Variants in FBXO40 observed in about 807,000 individuals in gnomAD.
FBXO40 encodes F-box only protein 40.
In FBXO40, 50 loss-of-function variants were observed where a neutral mutation model predicts 49.9. That is an observed-to-expected ratio of 1.00 (90% CI 0.80 to 1.27). The LOEUF (loss-of-function observed/expected upper bound fraction) is 1.27. Among genes scored for constraint, FBXO40 ranks in the 50% most tolerant of loss-of-function variants. The pLI, the probability that FBXO40 is intolerant of heterozygous loss-of-function variation, is 0.00. For missense variants in FBXO40, 895 were observed against 870.1 expected, an observed-to-expected ratio of 1.03 and a Z score of -0.36; for synonymous variants, 340 against 320.2, an observed-to-expected ratio of 1.06 and a Z score of -0.66.
chr3:121,623,698 T>G (rs2108851947), intron 3 of FBXO40, among the ~76,000 whole-genome samples: 1 of 151,376 alleles, frequency 6.6e-6, no homozygotes, highest in Middle Eastern at 3.4e-3. Flanking sequence ...CTTTTTTTTT[T>G]TTTTTTTGAG....
intron 1 of FBXO40, among the ~76,000 whole-genome samples, chr3:121,601,980 G>T (rs2048903283): frequency 6.6e-6 from 1 of 152,202 alleles, no homozygotes. Context: ...CAATGGCCAA[G>T]GGTCCCACTG....
Position 121,627,627 on chromosome 3 carries a change from A to G in FBXO40, c.*717A>G, listed in dbSNP as rs576454698. ...AAATCGGGAGTCCAAAGGAGACACC[A>G]TATTTATGGAGAACATTAGGACAAA... On this transcript the variant is annotated 3_prime_UTR_variant, in exon 4 of 4. Transcript: ENST00000338040. 2.6e-6 allele frequency: 1 copy of G among 386,222 alleles called. No homozygotes were observed. The highest frequency in any genetic ancestry group is 1.4e-4 in the South Asian group (1 of 6,916). The allele number at this position is 386,222 out of a possible 1,614,324, so 23.9% of individuals were successfully genotyped here. A position where few individuals can be genotyped will look rare whatever the true frequency, so the allele number is the denominator to read the frequency against.
intron 1 of FBXO40, among the ~76,000 whole-genome samples, chr3:121,617,460 T>A (rs999613413): frequency 2.6e-5 from 4 of 151,822 alleles, no homozygotes; most frequent in African/African-American, 9.7e-5. Flanking sequence ...CTGGGCATGG[T>A]GGTGGGCACC....
intron 1 of FBXO40, among the ~76,000 whole-genome samples, chr3:121,599,655 TACACACACACACACACATGCAC>T (rs1335167183): frequency 1.6e-5 from 2 of 127,686 alleles, no homozygotes; most frequent in African/African-American, 6.0e-5. Context: ...TTGTAGTGCA[TACACACACACACACACATGCAC>T]ACACACACAC....
intron 1 of FBXO40, among the ~76,000 whole-genome samples, chr3:121,618,471 C>G (rs1262285731): frequency 2.0e-5 from 3 of 148,134 alleles, no homozygotes; most frequent in Non-Finnish European, 4.4e-5. Flanking sequence ...ACTGCAACCT[C>G]TGCTTCCTGG....
intron 1 of FBXO40, among the ~76,000 whole-genome samples, chr3:121,602,092 G>A (rs2048903843): frequency 6.6e-6 from 1 of 152,190 alleles, no homozygotes; most frequent in Non-Finnish European, 1.5e-5. Flanking sequence ...TATCATTTGA[G>A]GCCGTAGCTC....
intron 1 of FBXO40, among the ~76,000 whole-genome samples, chr3:121,599,472 A>C (rs1488721191): frequency 1.3e-5 from 2 of 149,520 alleles, no homozygotes; most frequent in African/African-American, 4.9e-5. Context: ...CTGACTCAAA[A>C]AAAAAAAAAA....
chr3:121,612,963 G>A (rs1007317514), intron 1 of FBXO40, among the ~76,000 whole-genome samples: 5 of 151,764 alleles, frequency 3.3e-5, no homozygotes, highest in South Asian at 2.1e-4. Context: ...CCAGCTACTC[G>A]GGAGGCTGAG....
In FBXO40 at chr3:121,622,315, GAA is replaced by G. The variant is rs1237704591; in HGVS notation, c.888_889del (p.Arg297ThrfsTer11). ...TGCCCCTTGGCAGGATGGTGTTCTG[GAA>G]AGACTGAAAACAGCTGTGGATGCAA... The part of the protein sequence containing the change: ...GLAPWQDGVL[E>X]RLKTAVDAKD... On this transcript the variant is annotated frameshift_variant, in exon 3 of 4. Transcript: ENST00000338040. LOFTEE classifies it high-confidence loss of function. 6.2e-7 allele frequency: 1 copy of G among 1,614,130 alleles called. No individual in the cohort carries two copies. Among genetic ancestry groups the G allele is most frequent in the East Asian group, 2.2e-5 (1 of 44,898 alleles).
At position 121,622,756 on chromosome 3, in the gene FBXO40, G is replaced by C. The variant is rs372367097; in HGVS notation, c.1327G>C (p.Val443Leu). The change falls in exon 3 of 4, where the codon GTG (valine) becomes CTG (leucine). Residue 443 changes from valine to leucine, a missense_variant. By Grantham distance (32) the Val-to-Leu change is conservative. Transcript: ENST00000338040. ...FEPEQFSSGT[V>L]LADLTAATPG... ...GCCAGAACAGTTTTCCTCTGGGACA[G>C]TGCTGGCTGACCTAACCGCTGCCAC... is the stretch of plus-strand genomic sequence containing the variant. The C allele has an allele frequency of 1.7e-5, 27 of 1,614,098 alleles. No individual in the cohort carries two copies. The highest frequency in any genetic ancestry group is 2.3e-5 in the Non-Finnish European group (27 of 1,180,054).
At chr3:121,612,496 C>T (rs1205162562) in intron 1 of FBXO40, among the ~76,000 whole-genome samples, 1 of 152,134 alleles carries the variant, frequency 6.6e-6, no homozygotes, top group African/African-American at 2.4e-5. Flanking sequence ...AGTCTGGAAC[C>T]AGCTGGGGGA....
In FBXO40 at chr3:121,622,860, C is replaced by A; in HGVS notation, c.1431C>A (p.Phe477Leu). Residue 477 changes from phenylalanine (F) to leucine (L), a missense_variant, in exon 3 of 4, where the codon TTC becomes TTA. Phe to Leu is a conservative substitution (Grantham distance 22). Transcript: ENST00000338040. ...ACAAAAGCAGCTCTGCCTTCACTTT[C>A]ACTTGCAACAAATTCTTCAGGAGGG... ...RHNKSSSAFT[F>L]TCNKFFRRDE... is the part of the protein sequence containing the mutation. 2 of 1,614,220 alleles carry A rather than the reference C, an allele frequency of 1.2e-6. No individual in the cohort carries two copies. Among genetic ancestry groups the A allele is most frequent in the Non-Finnish European group, 1.7e-6 (2 of 1,180,046 alleles).
intron 1 of FBXO40, among the ~76,000 whole-genome samples, chr3:121,617,060 G>A (rs1026815833): frequency 4.6e-5 from 7 of 152,156 alleles, no homozygotes; most frequent in Non-Finnish European, 1.0e-4. Flanking sequence ...GAATGGATAT[G>A]AACAGACAGA....
intron 1 of FBXO40, among the ~76,000 whole-genome samples, chr3:121,613,128 A>G (rs2048976578): frequency 1.3e-5 from 2 of 151,698 alleles, no homozygotes; most frequent in African/African-American, 4.8e-5. Context: ...TCCCTTCCCT[A>G]ATAGGTTAAA....
chr3:121,612,795 C>T (rs939793575), intron 1 of FBXO40, among the ~76,000 whole-genome samples: 5 of 152,014 alleles, frequency 3.3e-5, no homozygotes, highest in East Asian at 1.9e-4. Context: ...CTCAGCCGGG[C>T]GCGGTGGCTC....
rs2049029378 is a variant in FBXO40, at chr3:121,621,501, C to T, written c.72C>T (p.His24=). 3 of 1,614,262 alleles carry T rather than the reference C, an allele frequency of 1.9e-6. No individual in the cohort carries two copies. Among genetic ancestry groups the T allele is most frequent in the African/African-American group, 2.7e-5 (2 of 75,062 alleles). The change falls in exon 3 of 4, where the codon CAC becomes CAT. Residue 24 remains histidine (H), a synonymous_variant. Transcript: ENST00000338040. ...AGGGATGCTTCAACCGCCACTGCCA[C>T]ATTCCTGTGGAACCCAACACCTCCT... ...HCEGCFNRHC[H]IPVEPNTSCL... is the part of the protein sequence containing the mutation.
Position 121,630,116 on chromosome 3 carries a change from A to T in FBXO40, c.*3206A>T, listed in dbSNP as rs2049085589. On this transcript the variant is annotated 3_prime_UTR_variant, in exon 4 of 4. Transcript: ENST00000338040. ...ATCTCACAACAAAGGAAAAAGTGAA[A>T]AGCAAGGTGGAACTTGAAGATACGT... 1 of 152,226 alleles carries T rather than the reference A, an allele frequency of 6.6e-6. No homozygotes were observed. The highest frequency in any genetic ancestry group is 2.1e-4 in the South Asian group (1 of 4,824). 9.4% of individuals were successfully genotyped at this position (152,226 alleles called of 1,614,324 possible).
At position 121,629,877 on chromosome 3, in the gene FBXO40, G is replaced by A. The variant is rs1324979331; in HGVS notation, c.*2967G>A. On this transcript the variant is annotated 3_prime_UTR_variant, in exon 4 of 4. Coordinates refer to ENST00000338040, the MANE Select transcript of FBXO40 (RefSeq NM_016298.4). ...CCTGACAGAGGCAAGACAGCTAGAA[G>A]TGGCTTCAGATTTAGAAACAGCTGA... 2 of 152,326 alleles carry A rather than the reference G, an allele frequency of 1.3e-5. No individual in the cohort carries two copies. Among genetic ancestry groups the A allele is most frequent in the African/African-American group, 2.4e-5 (1 of 41,470 alleles). The allele number at this position is 152,326 out of a possible 1,614,324, so 9.4% of individuals were successfully genotyped here.
In FBXO40 at chr3:121,599,452, G is replaced by A. The variant is rs185983738; in HGVS notation, c.-31+5950G>A. Among the ~76,000 whole-genome samples the A allele has an allele frequency of 2.7e-3, 371 of 138,874 alleles. 4 individuals are homozygous for A. The highest frequency in any genetic ancestry group is 0.026 in the Middle Eastern group (7 of 270). 91.1% of individuals were successfully genotyped at this position (138,874 alleles called of 152,430 possible). A position where few individuals can be genotyped will look rare whatever the true frequency, so the allele number is the denominator to read the frequency against. On this transcript the variant is annotated intron_variant, in intron 1 of 3. Transcript: ENST00000338040. ...CACTGCACTCCAGCCTGGGCAACAG[G>A]AGCGAGACTCTGACTCAAAAAAAAA...
Sources: gnomAD v4.1 joint callset for allele counts (sites outside exome capture counted in the v4.1 genomes callset) on GRCh38, gnomAD v4.1.1 for gene constraint, MANE v1.5 for transcripts, NCBI Gene and HGNC (gene_info 2026-07-23, HGNC 2026-07-21) for gene names.